SLITRK5: variants seen among roughly 807,000 people sequenced by gnomAD.
SLITRK5 encodes the protein SLIT and NTRK like family member 5.
Under a neutral mutation model 56.2 loss-of-function variants are expected in SLITRK5, and 23 were observed. That is an observed-to-expected ratio of 0.41 (90% confidence interval 0.29 to 0.58). The LOEUF (loss-of-function observed/expected upper bound fraction) is 0.58. Ranked by LOEUF, SLITRK5 falls within the 20% of genes least tolerant of loss-of-function variation. The pLI is 0.30. For synonymous variants in SLITRK5, 637 were observed against 531.8 expected (o/e 1.20, Z -2.72); for missense variants, 1,289 against 1,226.6 (o/e 1.05, Z -0.76).
intron 1 of SLITRK5, chr13:87,674,459 G>A: frequency 4.2e-6 from 4 of 963,826 alleles, no homozygotes; most frequent in Non-Finnish European, 4.9e-6. Flanking sequence ...GTAAGCGGTA[G>A]GAACGTCCTT....
chr13:87,672,884 TG>T (rs1360783562), intron 1 of SLITRK5: 7 of 158,628 alleles, frequency 4.4e-5, no homozygotes, highest in African/African-American at 1.5e-4. Flanking sequence ...TGTGTGTGTG[TG>T]TGTGTGTGTG....
At chr13:87,674,455 G>T (rs1877183792) in intron 1 of SLITRK5, 17 of 969,446 alleles carry the variant, frequency 1.8e-5, no homozygotes, top group Middle Eastern at 5.3e-4. Flanking sequence ...CCCGGTAAGC[G>T]GTAGGAACGT....
Position 87,672,086 on chromosome 13 carries a change from A to AG in SLITRK5, c.-126dup, listed in dbSNP as rs1431695754. Among the ~76,000 whole-genome samples, 5 of 151,804 alleles carry AG rather than the reference A, an allele frequency of 3.3e-5. No homozygotes were observed. Among genetic ancestry groups the AG allele is most frequent in the African/African-American group, 1.2e-4 (5 of 41,324 alleles). On this transcript the variant is annotated 5_prime_UTR_variant, in exon 1 of 2. An upstream open reading frame in the 5' UTR gains an earlier in-frame stop. Coordinates refer to ENST00000683689, the MANE Select transcript of SLITRK5 (RefSeq NM_001384609.1). ...GTGAAGACGGCGAGGAGGAGAGCCG[A>AG]GGGGGGAGGGGAGGGCCGGCCGGCG...
chr13:87,674,656 A>G (rs1456082635), intron 1 of SLITRK5, among the ~76,000 whole-genome samples: 2 of 152,148 alleles, frequency 1.3e-5, no homozygotes, highest in African/African-American at 4.8e-5. Flanking sequence ...CGTGCATGCA[A>G]TTAGGACGCT....
At chr13:87,675,170 TA>T (rs1277324066) in intron 1 of SLITRK5, among the ~76,000 whole-genome samples, 3 of 152,154 alleles carry the variant, frequency 2.0e-5, no homozygotes, top group South Asian at 2.1e-4. Context: ...TGTGCTCATT[TA>T]AAAAAATTAA....
At chr13:87,675,299 TAAGA>T (rs1399314010) in intron 1 of SLITRK5, 78 bp from the exon 2 acceptor site, 2 of 981,618 alleles carry the variant, frequency 2.0e-6, no homozygotes, top group African/African-American at 3.3e-5. Context: ...GTAATAATGT[TAAGA>T]AAGAGAGAGA....
intron 1 of SLITRK5, chr13:87,672,909 C>T (rs1338655658): frequency 1.2e-5 from 1 of 80,892 alleles, no homozygotes; most frequent in Non-Finnish European, 2.5e-5. Flanking sequence ...GTGTGTGTGT[C>T]TATGTGGCGG....
chr13:87,672,864 T>TGTGG (rs1877098973), intron 1 of SLITRK5: 1 of 103,390 alleles, frequency 9.7e-6, no homozygotes, highest in South Asian at 3.3e-4. Context: ...GGTGTGTGTG[T>TGTGG]GTGTGTGTGT....
At position 87,678,099 on chromosome 13, in the gene SLITRK5, C is replaced by CGGGGGCAG; in HGVS notation, c.2715_2722dup (p.Asp908GlyfsTer21). On this transcript the variant is annotated frameshift_variant, in exon 2 of 2. Coordinates refer to ENST00000683689, the MANE Select transcript of SLITRK5 (RefSeq NM_001384609.1). ...AGACGCCCCCATCAGTATTTGCACC[C>CGGGGGCAG]GGGGGCAGGGGACAGCAGGCTACGG... 1 of 1,614,174 alleles carries CGGGGGCAG rather than the reference C, an allele frequency of 6.2e-7. No homozygotes were observed. Among genetic ancestry groups the CGGGGGCAG allele is most frequent in the South Asian group, 1.1e-5 (1 of 91,080 alleles).
At position 87,675,507 on chromosome 13, in the gene SLITRK5, C is replaced by T. The variant is rs200939134; in HGVS notation, c.119C>T (p.Thr40Ile). Reference protein sequence around the residue: ...VTSLVLSCAETIDYYGEICDN... With the variant: ...VTSLVLSCAEIIDYYGEICDN... ...TCTCTCGTCCTTTCGTGTGCAGAAA[C>T]CATCGATTATTATGGGGAAATCTGT... Residue 40 changes from threonine (T) to isoleucine (I), a missense_variant, in exon 2 of 2, where the codon ACC (threonine) becomes ATC (isoleucine). Physicochemically the swap from Thr to Ile is moderately conservative, Grantham distance 89 (BLOSUM62 -1). Around this residue, in one of 3 missense-constraint regions of SLITRK5, gnomAD observed 291 missense variants for 286.7 expected, o/e 1.02. Coordinates refer to ENST00000683689, the MANE Select transcript of SLITRK5 (RefSeq NM_001384609.1). The T allele has an allele frequency of 3.1e-6, 5 of 1,614,138 alleles. No homozygotes were observed. In the Admixed American group the frequency reaches 6.7e-5, roughly 22 times the overall value.
At chr13:87,673,156 A>T (rs1270751136) in intron 1 of SLITRK5, among the ~76,000 whole-genome samples, 1 of 151,626 alleles carries the variant, frequency 6.6e-6, no homozygotes, top group African/African-American at 2.4e-5. Flanking sequence ...CAGTATCTAA[A>T]TTCTTTGGGA....
Position 87,678,123 on chromosome 13 carries a change from G to C in SLITRK5, c.2735G>C (p.Arg912Pro). ...CCGGGGGCAGGGGACAGCAGGCTAC[G>C]GGAACCGGTGCTCTACAGCCCCCCG... ...LHPGAGDSRL[R>P]EPVLYSPPSA... Residue 912 changes from arginine (R) to proline (P), a missense_variant, in exon 2 of 2, where the codon CGG becomes CCG. Coordinates refer to ENST00000683689, the MANE Select transcript of SLITRK5 (RefSeq NM_001384609.1). 1 of 1,614,222 alleles carries C rather than the reference G, an allele frequency of 6.2e-7. No individual in the cohort carries two copies. Among genetic ancestry groups the C allele is most frequent in the Non-Finnish European group, 8.5e-7 (1 of 1,180,046 alleles).
intron 1 of SLITRK5, among the ~76,000 whole-genome samples, chr13:87,674,223 C>T (rs1023074950): frequency 5.3e-5 from 8 of 152,074 alleles, no homozygotes; most frequent in African/African-American, 1.9e-4. Flanking sequence ...TACAGTTCTT[C>T]CTCCCACCTT....
rs764282057 is a variant in SLITRK5 at position 87,677,351 on chromosome 13, G to T, written c.1963G>T (p.Gly655Cys). 6.2e-7 allele frequency: 1 copy of T among 1,614,082 alleles called. No individual in the cohort carries two copies. The highest frequency in any genetic ancestry group is 8.5e-7 in the Non-Finnish European group (1 of 1,180,008). Reference protein sequence around the residue: ...STGAPASLGAGGGASSVPLSV... With the variant: ...STGAPASLGACGGASSVPLSV... ...CGGGGCCCCCGCGAGCTTGGGCGCA[G>T]GCGGAGGGGCGTCGTCGGTGCCCTT... Residue 655 changes from glycine to cysteine, a missense_variant, in exon 2 of 2, where the codon GGC becomes TGC. Transcript: ENST00000683689. This position sits in a 1 kb window ranked among gnomAD's most constrained non-coding sequence, Gnocchi z 4.7.
Position 87,676,957 on chromosome 13 carries a change from C to G in SLITRK5, c.1569C>G (p.Gly523=). 1 of 1,614,156 alleles carries G rather than the reference C, an allele frequency of 6.2e-7. No individual in the cohort carries two copies. The change falls in exon 2 of 2, where the codon GGC becomes GGG. Residue 523 remains glycine (G), a synonymous_variant. Transcript: ENST00000683689. ...ACCTCCTGCAGGCCATGCCCTCAGG[C>G]GTCTTCTCTGGCTTGACCCTCCTCA... ...NNNLLQAMPS[G]VFSGLTLLRL...
chr13:87,678,218 G>C lies in SLITRK5; in HGVS notation c.2830G>C (p.Asp944His), dbSNP rs1261792385. Residue 944 changes from aspartate (D) to histidine (H), a missense_variant, in exon 2 of 2, where the codon GAC becomes CAC. Asp to His is a moderately conservative substitution (Grantham distance 81). This residue lies in a region of SLITRK5 where 985 missense variants were observed against 906.0 expected (regional missense o/e 1.09). Transcript: ENST00000683689. ...ELKAKLNVEP[D>H]YLEVLEKQTT... ...AAAAGCAAAACTAAACGTTGAGCCG[G>C]ACTACCTCGAAGTGCTGGAAAAACA... 1.9e-6 allele frequency: 3 copies of C among 1,614,008 alleles called. No individual in the cohort carries two copies. Among genetic ancestry groups the C allele is most frequent in the East Asian group, 4.5e-5 (2 of 44,890 alleles).
Position 87,677,601 on chromosome 13 carries a change from T to A in SLITRK5, c.2213T>A (p.Leu738Gln). The A allele has an allele frequency of 6.2e-7, 1 of 1,609,640 alleles. No homozygotes were observed. Among genetic ancestry groups the A allele is most frequent in the Non-Finnish European group, 8.5e-7 (1 of 1,177,066 alleles). The change falls in exon 2 of 2, where the codon CTG becomes CAG. Residue 738 changes from leucine to glutamine, a missense_variant. Physicochemically the swap from Leu to Gln is moderately radical, Grantham distance 113 (BLOSUM62 -2). Coordinates refer to ENST00000683689, the MANE Select transcript of SLITRK5 (RefSeq NM_001384609.1). This position sits in a 1 kb window ranked among gnomAD's most constrained non-coding sequence, Gnocchi z 4.7. ...HAHVHHRGPA[L>Q]PKVKTPAGHV... is the part of the protein sequence containing the mutation. ...CACGTGCATCACCGCGGGCCCGCGC[T>A]GCCCAAGGTGAAGACGCCCGCGGGC... is the stretch of plus-strand genomic sequence containing the variant.
chr13:87,675,087 G>A (rs1375545132), intron 1 of SLITRK5, among the ~76,000 whole-genome samples: 1 of 151,766 alleles, frequency 6.6e-6, no homozygotes, highest in African/African-American at 2.4e-5. Context: ...TTTGAAAAGG[G>A]GGGGAGAAGA....
chr13:87,673,712 T>G (rs531136428), intron 1 of SLITRK5: 1 of 441,834 alleles, frequency 2.3e-6, no homozygotes, highest in South Asian at 1.6e-5. Context: ...CACGTCTGGG[T>G]GGCCACACGT....
Sources: allele counts gnomAD v4.1 joint callset (sites outside exome capture counted in the v4.1 genomes callset), GRCh38; gene constraint gnomAD v4.1.1; regional missense constraint gnomAD v4.1.1; non-coding constraint Gnocchi (gnomAD v3.1); transcripts MANE v1.5; gene names NCBI Gene and HGNC (gene_info 2026-07-23, HGNC 2026-07-21).